Variants in LRFN5 observed in about 807,000 individuals in gnomAD.
LRFN5 encodes the protein leucine-rich repeat and fibronectin type-III domain-containing protein 5.
Under a neutral mutation model 45.6 loss-of-function variants are expected in LRFN5, and 24 were observed. That is an observed-to-expected ratio of 0.53 (90% CI 0.38 to 0.74). The LOEUF is 0.74. LRFN5 is among the 30% of genes least tolerant of loss of function. The pLI, the probability that LRFN5 is intolerant of heterozygous loss-of-function variation, is 0.00. For synonymous variants in LRFN5, 340 were observed against 313.8 expected, an observed-to-expected ratio of 1.08 and a Z score of -0.88; for missense variants, 776 against 861.5, an observed-to-expected ratio of 0.90 and a Z score of 1.24.
At chr14:41,869,335 C>T (rs1052257339) in intron 2 of LRFN5, among the ~76,000 whole-genome samples, 1 of 151,912 alleles carries the variant, frequency 6.6e-6, no homozygotes, top group African/African-American at 2.4e-5. Context: ...GCTCTCAGAA[C>T]AAAATTGTCT....
intron 1 of LRFN5, among the ~76,000 whole-genome samples, chr14:41,612,507 G>A (rs2138540079): frequency 6.6e-6 from 1 of 152,174 alleles, no homozygotes; most frequent in African/African-American, 2.4e-5. Context: ...CTGGAAATTT[G>A]GACCTTATAG....
chr14:41,733,232 A>T (rs1405345404), intron 1 of LRFN5, among the ~76,000 whole-genome samples: 1 of 152,012 alleles, frequency 6.6e-6, no homozygotes, highest in Non-Finnish European at 1.5e-5. Flanking sequence ...ATCTCAGAGA[A>T]CTCCACGTGG....
Position 41,684,770 on chromosome 14 carries a change from C to T in LRFN5, c.-197+76208C>T, listed in dbSNP as rs147057091. On this transcript the variant is annotated intron_variant, in intron 1 of 5. Transcript: ENST00000298119. ...GGTATTTTGAGTAATACTCCACAAGCGCAGGCAACCAAAGGAAAAATTGTC... is the reference window on the plus strand; with the variant it reads ...GGTATTTTGAGTAATACTCCACAAGTGCAGGCAACCAAAGGAAAAATTGTC... Among the ~76,000 whole-genome samples the T allele has an allele frequency of 3.5e-4, 53 of 152,238 alleles. No individual in the cohort carries two copies. The East Asian group carries it at 8.9e-3, about 26-fold the overall frequency.
intron 1 of LRFN5, among the ~76,000 whole-genome samples, chr14:41,628,338 T>G (rs952395199): frequency 2.0e-5 from 3 of 152,214 alleles, no homozygotes; most frequent in Non-Finnish European, 4.4e-5. Context: ...TTTAACTCAT[T>G]GATTTATTCA....
At chr14:41,705,478 T>C (rs1883025778) in intron 1 of LRFN5, among the ~76,000 whole-genome samples, 1 of 152,194 alleles carries the variant, frequency 6.6e-6, no homozygotes, top group Non-Finnish European at 1.5e-5. Flanking sequence ...GAAATGCCAT[T>C]AATATTTTGG....
intron 4 of LRFN5, chr14:41,893,595 T>C: frequency 1.0e-6 from 1 of 985,352 alleles, no homozygotes; most frequent in Non-Finnish European, 1.2e-6. Flanking sequence ...AAGTGAGGAA[T>C]GTGGAATCGT....
intron 1 of LRFN5, 49 bp from the exon 2 acceptor site, chr14:41,766,805 T>C (rs1050763983): frequency 2.0e-5 from 3 of 152,582 alleles, no homozygotes; most frequent in African/African-American, 7.2e-5. Flanking sequence ...AAGGATACTT[T>C]ATAAGCATTT....
chr14:41,810,319 C>T (rs948582622), intron 2 of LRFN5, among the ~76,000 whole-genome samples: 2 of 152,004 alleles, frequency 1.3e-5, no homozygotes, highest in African/African-American at 4.8e-5. Flanking sequence ...TTCCTGGCCT[C>T]CCAGGAAGAC....
chr14:41,771,738 T>C (rs1172775784), intron 2 of LRFN5, among the ~76,000 whole-genome samples: 1 of 152,174 alleles, frequency 6.6e-6, no homozygotes, highest in Non-Finnish European at 1.5e-5. Context: ...GTCCGCATTT[T>C]GGTCAAAACC....
At chr14:41,713,859 G>A (rs1883381376) in intron 1 of LRFN5, among the ~76,000 whole-genome samples, 1 of 152,060 alleles carries the variant, frequency 6.6e-6, no homozygotes, top group Non-Finnish European at 1.5e-5. Flanking sequence ...CATATATTCA[G>A]TTGTAGGAAT....
intron 1 of LRFN5, among the ~76,000 whole-genome samples, chr14:41,645,863 G>A (rs1296296791): frequency 6.6e-6 from 1 of 152,012 alleles, no homozygotes; most frequent in Non-Finnish European, 1.5e-5. Context: ...TTATTTTGGG[G>A]CTACATTTTC....
intron 1 of LRFN5, among the ~76,000 whole-genome samples, chr14:41,757,775 G>A (rs930948067): frequency 6.6e-6 from 1 of 152,154 alleles, no homozygotes; most frequent in Non-Finnish European, 1.5e-5. Flanking sequence ...TGCACCCACT[G>A]TCTGACACTC....
chr14:41,871,513 C>T (rs968696993), intron 2 of LRFN5, among the ~76,000 whole-genome samples: 17 of 151,802 alleles, frequency 1.1e-4, no homozygotes, highest in South Asian at 6.2e-4. Context: ...TTCTTGAACC[C>T]GGGAGGCGGA....
intron 2 of LRFN5, among the ~76,000 whole-genome samples, chr14:41,792,786 A>G (rs955912500): frequency 6.6e-6 from 1 of 152,064 alleles, no homozygotes; most frequent in Admixed American, 6.6e-5. Flanking sequence ...CAATTTGTAC[A>G]GGTAACACAA....
At chr14:41,799,674 A>G (rs1887257389) in intron 2 of LRFN5, among the ~76,000 whole-genome samples, 1 of 151,924 alleles carries the variant, frequency 6.6e-6, no homozygotes, top group South Asian at 2.1e-4. Context: ...CACTGTGGAT[A>G]ATTTTCTTTC....
At chr14:41,612,124 T>C (rs1464183555) in intron 1 of LRFN5, among the ~76,000 whole-genome samples, 1 of 152,148 alleles carries the variant, frequency 6.6e-6, no homozygotes, top group Non-Finnish European at 1.5e-5. Context: ...TTTTGCTGAG[T>C]TTTCTTGCTG....
chr14:41,638,595 C>A (rs2138592784), intron 1 of LRFN5, among the ~76,000 whole-genome samples: 1 of 152,214 alleles, frequency 6.6e-6, no homozygotes, highest in East Asian at 1.9e-4. Context: ...GCTTGTAACT[C>A]TCCTAGTATT....
intron 2 of LRFN5, among the ~76,000 whole-genome samples, chr14:41,797,011 C>A (rs1228881792): frequency 6.6e-6 from 1 of 151,692 alleles, no homozygotes; most frequent in Non-Finnish European, 1.5e-5. Flanking sequence ...ATATTTATCT[C>A]GTGTACTTTC....
intron 4 of LRFN5, among the ~76,000 whole-genome samples, chr14:41,896,113 G>A (rs186501226): frequency 2.9e-3 from 437 of 151,984 alleles, no homozygotes; most frequent in African/African-American, 0.01. Context: ...TTGCCTTTTA[G>A]CTCTTAAATT....
Sources: allele counts gnomAD v4.1 joint callset (sites outside exome capture counted in the v4.1 genomes callset), GRCh38; gene constraint gnomAD v4.1.1; transcripts MANE v1.5; gene names NCBI Gene and HGNC (gene_info 2026-07-23, HGNC 2026-07-21).